PTTG1IP: variants seen among roughly 807,000 people sequenced by gnomAD.
PTTG1IP encodes the protein pituitary tumor-transforming gene 1 protein-interacting protein.
PTTG1IP carries 16 observed loss-of-function variants against 24.4 expected under a neutral mutation model. The ratio of observed to expected loss-of-function variants is 0.66; its 90% CI spans 0.44 to 1.00. The LOEUF (loss-of-function observed/expected upper bound fraction) is 1.00. Ranked by LOEUF, PTTG1IP falls within the 50% of genes least tolerant of loss-of-function variation. The probability of loss-of-function intolerance (pLI) is 0.00; values close to 1 mark genes in which losing one functional copy is unlikely to be tolerated. For missense variants in PTTG1IP, 241 were observed against 245.8 expected (o/e 0.98, Z 0.13); for synonymous variants, 89 against 96.8 (o/e 0.92, Z 0.47).
chr21:44,870,063 G>A (rs1601259608), intron 1 of PTTG1IP, among the ~76,000 whole-genome samples: 1 of 152,198 alleles, frequency 6.6e-6, no homozygotes, highest in African/African-American at 2.4e-5. Flanking sequence ...AGTCAGCGGA[G>A]AGGCATGAGA....
intron 2 of PTTG1IP, among the ~76,000 whole-genome samples, chr21:44,863,930 A>G (rs2083514193): frequency 6.6e-6 from 1 of 152,240 alleles, no homozygotes; most frequent in Non-Finnish European, 1.5e-5. Flanking sequence ...GCCTTAGAAT[A>G]GAAATCATCG....
chr21:44,855,013 A>C (rs1665490640), intron 5 of PTTG1IP, among the ~76,000 whole-genome samples, 197 bp downstream of exon 5: 1 of 152,218 alleles, frequency 6.6e-6, no homozygotes, highest in Admixed American at 6.5e-5. Flanking sequence ...ACTGGCTGAG[A>C]TAAAGATATT....
At chr21:44,872,385 T>C (rs1403169408) in intron 1 of PTTG1IP, among the ~76,000 whole-genome samples, 1 of 152,226 alleles carries the variant, frequency 6.6e-6, no homozygotes, top group Non-Finnish European at 1.5e-5. Context: ...TCTACTATGC[T>C]AAACAGACAC....
intron 2 of PTTG1IP, 120 bp from the exon 3 acceptor site, chr21:44,861,391 C>T: frequency 1.2e-6 from 1 of 818,218 alleles, no homozygotes; most frequent in South Asian, 1.7e-5. Context: ...AAAGGCTCAA[C>T]CTCCCCCTCA....
intron 3 of PTTG1IP, 34 bp from the exon 4 acceptor site, chr21:44,856,398 C>G (rs1437329269): frequency 1.3e-6 from 2 of 1,584,952 alleles, no homozygotes; most frequent in Non-Finnish European, 1.7e-6. Flanking sequence ...TAGGGCCGCC[C>G]CAGACACAGA....
In PTTG1IP at chr21:44,849,681, G is replaced by A. The variant is rs887651775; in HGVS notation, c.*1900C>T. ...GGTTTCCTTGAGGTTACAGTTTTGTGGCTGCTCTTAGTGTATTTCAGAAAA... is the reference window on the plus strand; with the variant it reads ...GGTTTCCTTGAGGTTACAGTTTTGTAGCTGCTCTTAGTGTATTTCAGAAAA... On this transcript the variant is annotated 3_prime_UTR_variant, in exon 6 of 6. Transcript: ENST00000330938. 1.3e-5 allele frequency: 2 copies of A among 152,614 alleles called. No homozygotes were observed. Among genetic ancestry groups the A allele is most frequent in the African/African-American group, 2.4e-5 (1 of 41,462 alleles). 9.5% of individuals were successfully genotyped at this position (152,614 alleles called of 1,614,324 possible).
At position 44,851,568 on chromosome 21, in the gene PTTG1IP, G is replaced by T. The variant is rs751667783; in HGVS notation, c.*13C>A. On this transcript the variant is annotated 3_prime_UTR_variant, in exon 6 of 6. Transcript: ENST00000330938. ...CCTCACAGGAAGCGTCGGGACTGAT[G>T]TGCTGGAGCGCTTTAGTTGTTTTCA... 6.2e-7 allele frequency: 1 copy of T among 1,609,536 alleles called. No individual in the cohort carries two copies. Among genetic ancestry groups the T allele is most frequent in the Admixed American group, 1.7e-5 (1 of 59,986 alleles).
intron 5 of PTTG1IP, among the ~76,000 whole-genome samples, chr21:44,853,748 G>A (rs1268223725): frequency 6.6e-6 from 1 of 152,172 alleles, no homozygotes; most frequent in Non-Finnish European, 1.5e-5. Context: ...CAGAGAGGGT[G>A]GGGCAAGGAC....
Position 44,851,339 on chromosome 21 carries a change from A to T in PTTG1IP, c.*242T>A. On this transcript the variant is annotated 3_prime_UTR_variant, in exon 6 of 6. Transcript: ENST00000330938. Reference sequence around the variant, plus strand: ...AAGAGTATAAAAAAGCCCAAACCCCAAAGATTTCTTATTTCAAGTGACTAA... The same window carrying T: ...AAGAGTATAAAAAAGCCCAAACCCCTAAGATTTCTTATTTCAAGTGACTAA... The T allele has an allele frequency of 6.7e-7, 1 of 1,501,502 alleles. No individual in the cohort carries two copies. The highest frequency in any genetic ancestry group is 8.9e-7 in the Non-Finnish European group (1 of 1,122,274). 93.0% of individuals were successfully genotyped at this position (1,501,502 alleles called of 1,614,324 possible). A position where few individuals can be genotyped will look rare whatever the true frequency, so the allele number is the denominator to read the frequency against.
At chr21:44,858,633 C>A (rs1326800228) in intron 3 of PTTG1IP, among the ~76,000 whole-genome samples, 10 of 152,270 alleles carry the variant, frequency 6.6e-5, no homozygotes, top group Admixed American at 5.9e-4. Context: ...GCCCCCTCCC[C>A]ACTGTGACTG....
At chr21:44,856,061 C>G in intron 4 of PTTG1IP, 132 bp downstream of exon 4, 3 of 1,557,362 alleles carry the variant, frequency 1.9e-6, no homozygotes, top group Non-Finnish European at 2.6e-6. Context: ...TAGAAGATCC[C>G]CTGGGCACTA....
At chr21:44,857,733 ACGCTGAGATC>A (rs2083459904) in intron 3 of PTTG1IP, among the ~76,000 whole-genome samples, 1 of 152,230 alleles carries the variant, frequency 6.6e-6, no homozygotes, top group South Asian at 2.1e-4. Flanking sequence ...GCTGCCCCGG[ACGCTGAGATC>A]CGCATTTCTT....
chr21:44,857,980 A>G (rs1002007912), intron 3 of PTTG1IP, among the ~76,000 whole-genome samples: 5 of 152,220 alleles, frequency 3.3e-5, no homozygotes, highest in African/African-American at 1.2e-4. Context: ...GCCTTAAAAC[A>G]TATCTACCCC....
At chr21:44,869,954 A>G (rs1225576798) in intron 1 of PTTG1IP, among the ~76,000 whole-genome samples, 2 of 152,208 alleles carry the variant, frequency 1.3e-5, no homozygotes, top group African/African-American at 2.4e-5. Flanking sequence ...AAAAGAACTG[A>G]GCTCCAAAAC....
At chr21:44,854,527 C>T (rs1262633517) in intron 5 of PTTG1IP, among the ~76,000 whole-genome samples, 3 of 152,144 alleles carry the variant, frequency 2.0e-5, no homozygotes, top group African/African-American at 7.2e-5. Context: ...AGACTCTTTG[C>T]GGACTTTAAA....
Position 44,850,093 on chromosome 21 carries a change from G to A in PTTG1IP, c.*1488C>T, listed in dbSNP as rs890809840. ...ATGTACACAGTCAAAAAGGCTTATC[G>A]AGCTGTTTGACGAGTTCTTGAAGTG... On this transcript the variant is annotated 3_prime_UTR_variant, in exon 6 of 6. Coordinates refer to ENST00000330938, the MANE Select transcript of PTTG1IP (RefSeq NM_004339.4). 7.9e-5 allele frequency: 12 copies of A among 152,132 alleles called. No homozygotes were observed. The highest frequency in any genetic ancestry group is 2.4e-4 in the African/African-American group (10 of 41,434). 9.4% of individuals were successfully genotyped at this position (152,132 alleles called of 1,614,324 possible). A position where few individuals can be genotyped will look rare whatever the true frequency, so the allele number is the denominator to read the frequency against.
intron 5 of PTTG1IP, among the ~76,000 whole-genome samples, chr21:44,853,184 G>A (rs561526341): frequency 6.4e-4 from 97 of 152,174 alleles, no homozygotes; most frequent in Non-Finnish European, 1.3e-3. Context: ...GTGTGCGTGT[G>A]TGTGTATCCA....
At chr21:44,861,883 C>T (rs2083494966) in intron 2 of PTTG1IP, 1 of 716,572 alleles carries the variant, frequency 1.4e-6, no homozygotes, top group East Asian at 2.7e-5. Flanking sequence ...AGCATGGTCA[C>T]CATCTGTAGC....
At chr21:44,854,455 C>T (rs1320670413) in intron 5 of PTTG1IP, among the ~76,000 whole-genome samples, 1 of 112,498 alleles carries the variant, frequency 8.9e-6, no homozygotes, top group Admixed American at 8.4e-5. Context: ...CACACAACCA[C>T]AAACCCAGCG....
Sources: gnomAD v4.1 joint callset for allele counts (sites outside exome capture counted in the v4.1 genomes callset) on GRCh38, gnomAD v4.1.1 for gene constraint, MANE v1.5 for transcripts, NCBI Gene and HGNC (gene_info 2026-07-23, HGNC 2026-07-21) for gene names.